NCAPH: variants seen among roughly 807,000 people sequenced by gnomAD.
The protein encoded by NCAPH is non-SMC condensin I complex subunit H.
In NCAPH, 38 loss-of-function variants were observed where a neutral mutation model predicts 85.5. The observed-to-expected ratio is 0.44, with a 90% CI of 0.34 to 0.58. The LOEUF (loss-of-function observed/expected upper bound fraction) is 0.58. NCAPH is among the 20% of genes least tolerant of loss of function. The pLI, the probability that NCAPH is intolerant of heterozygous loss-of-function variation, is 0.01. For synonymous variants in NCAPH, 301 were observed against 335.1 expected (o/e 0.90, Z 1.11); for missense variants, 789 against 916.6 (o/e 0.86, Z 1.80).
intron 6 of NCAPH, 42 bp downstream of exon 6, chr2:96,344,271 A>G: frequency 1.3e-6 from 2 of 1,563,344 alleles, no homozygotes; most frequent in Non-Finnish European, 1.7e-6. Context: ...ACTAATTCAG[A>G]ACCTTAGGGG....
In NCAPH at chr2:96,343,346, G is replaced by A. The variant is rs768316254; in HGVS notation, c.595+42G>A. 7 of 1,576,928 alleles carry A rather than the reference G, an allele frequency of 4.4e-6. No individual in the cohort carries two copies. In the Admixed American group the frequency reaches 1.3e-4, roughly 29 times the overall value. The stretch of plus-strand genomic sequence containing the variant: ...CTGGATTTAAGTGGCTCTTTTTAGG[G>A]CATACCAGGTAGTTACTTGAGTAAT... On this transcript the variant is annotated intron_variant, in intron 5 of 17. Transcript: ENST00000240423.
chr2:96,340,938 A>G (rs1558788342), intron 1 of NCAPH, among the ~76,000 whole-genome samples: 1 of 152,156 alleles, frequency 6.6e-6, no homozygotes, highest in African/African-American at 2.4e-5. Context: ...TTAAAGATCT[A>G]AAGTTCTTTG....
intron 9 of NCAPH, among the ~76,000 whole-genome samples, chr2:96,354,828 T>C (rs960009143): frequency 4.6e-5 from 7 of 152,240 alleles, no homozygotes; most frequent in African/African-American, 1.4e-4. Flanking sequence ...ATTAGAACAA[T>C]GTAAAGCGTT....
At chr2:96,366,302 A>G (rs1229815659) in intron 14 of NCAPH, among the ~76,000 whole-genome samples, 1 of 152,248 alleles carries the variant, frequency 6.6e-6, no homozygotes, top group Non-Finnish European at 1.5e-5. Flanking sequence ...CAAATAAGGC[A>G]TATGAATGAA....
chr2:96,342,822 A>G lies in NCAPH; in HGVS notation c.430A>G (p.Lys144Glu), dbSNP rs2064313631. The G allele has an allele frequency of 3.7e-6, 6 of 1,612,710 alleles. No individual in the cohort carries two copies. In the East Asian group the frequency reaches 1.1e-4, roughly 30 times the overall value. The change falls in exon 4 of 18, where the codon AAA (lysine) becomes GAA (glutamate). Residue 144 changes from lysine to glutamate, a missense_variant. Transcript: ENST00000240423. ...IDFMSEILKQ[K>E]DTEPTNFKVA... is the part of the protein sequence containing the mutation. The stretch of plus-strand genomic sequence containing the variant: ...TTTTATGTCAGAGATTCTTAAACAG[A>G]AAGACACCGAACCAACCAACTTTAA...
chr2:96,373,015 C>A (rs1470973630), intron 17 of NCAPH, among the ~76,000 whole-genome samples: 3 of 152,062 alleles, frequency 2.0e-5, no homozygotes, highest in African/African-American at 4.8e-5. Context: ...ATCTTCAGGG[C>A]AGACGGCTCA....
chr2:96,341,910 G>T lies in NCAPH; in HGVS notation c.272+16G>T, dbSNP rs1180407110. 2 of 1,606,366 alleles carry T rather than the reference G, an allele frequency of 1.2e-6. No homozygotes were observed. Among genetic ancestry groups the T allele is most frequent in the Non-Finnish European group, 1.7e-6 (2 of 1,177,456 alleles). Reference sequence around the variant, plus strand: ...CCTCCAGCAGGTGAGGTGCTCCTGGGCTGTTTCTCCTTGAGGCAGCCGCCT... The same window carrying T: ...CCTCCAGCAGGTGAGGTGCTCCTGGTCTGTTTCTCCTTGAGGCAGCCGCCT... On this transcript the variant is annotated intron_variant, in intron 2 of 17. Transcript: ENST00000240423.
chr2:96,350,715 A>T (rs2104446978), intron 6 of NCAPH, among the ~76,000 whole-genome samples: 1 of 152,274 alleles, frequency 6.6e-6, no homozygotes, highest in Admixed American at 6.5e-5. Flanking sequence ...GCTGAACCTC[A>T]GTTCTGATGA....
Position 96,355,176 on chromosome 2 carries a change from A to G in NCAPH, c.1208+788A>G, listed in dbSNP as rs1015780293. Among the ~76,000 whole-genome samples the G allele has an allele frequency of 2.6e-5, 4 of 152,340 alleles. No individual in the cohort carries two copies. The South Asian group carries it at 8.3e-4, about 32-fold the overall frequency. The stretch of plus-strand genomic sequence containing the variant: ...AATAATCAGAACTTGGTTGGCCTTT[A>G]TGTACTTAATAGGTTAGTATTGTTT... On this transcript the variant is annotated intron_variant, in intron 9 of 17. Transcript: ENST00000240423.
chr2:96,372,581 G>T (rs955971212), intron 17 of NCAPH, among the ~76,000 whole-genome samples: 1 of 152,024 alleles, frequency 6.6e-6, no homozygotes, highest in African/African-American at 2.4e-5. Context: ...ACCATGTCCC[G>T]CTCCATCCTG....
Position 96,347,749 on chromosome 2 carries a change from G to A in NCAPH, c.720+3520G>A, listed in dbSNP as rs138216113. Among the ~76,000 whole-genome samples the A allele has an allele frequency of 4.6e-5, 7 of 152,346 alleles. No homozygotes were observed. In the East Asian group the frequency reaches 1.3e-3, roughly 29 times the overall value. ...TAAATAAGCCAGATAAAGGGCAACA[G>A]TGAGATGAATGCCAGTGTTCTTACA... On this transcript the variant is annotated intron_variant, in intron 6 of 17. Transcript: ENST00000240423.
chr2:96,369,489 G>A lies in NCAPH; in HGVS notation c.2155G>A (p.Ala719Thr). Residue 719 changes from alanine to threonine, a missense_variant, in exon 17 of 18, where the codon GCC (alanine) becomes ACC (threonine). Coordinates refer to ENST00000240423, the MANE Select transcript of NCAPH (RefSeq NM_015341.5). ...GGCTTTTGCCTGTCTCCTACATTTAGCCAATGAAAAGGTAGGTAATTAAGG... is the reference window on the plus strand; with the variant it reads ...GGCTTTTGCCTGTCTCCTACATTTAACCAATGAAAAGGTAGGTAATTAAGG... ...PLAFACLLHL[A>T]NEKNLKLEGT... 1.2e-6 allele frequency: 2 copies of A among 1,613,820 alleles called. No homozygotes were observed. The highest frequency in any genetic ancestry group is 1.7e-6 in the Non-Finnish European group (2 of 1,179,758).
intron 12 of NCAPH, among the ~76,000 whole-genome samples, chr2:96,362,590 A>C (rs62153916): frequency 0.31 from 47,386 of 151,020 alleles, 7,877 homozygotes; most frequent in South Asian, 0.69. Flanking sequence ...AGATTACAGT[A>C]CACTGCACTC....
intron 12 of NCAPH, among the ~76,000 whole-genome samples, chr2:96,361,769 CATAT>C (rs1215314705): frequency 3.5e-5 from 4 of 114,976 alleles, no homozygotes; most frequent in African/African-American, 1.4e-4. Flanking sequence ...TATATATATA[CATAT>C]ATATATATAC....
intron 9 of NCAPH, among the ~76,000 whole-genome samples, chr2:96,355,094 A>G (rs571165556): frequency 1.1e-4 from 17 of 152,174 alleles, no homozygotes; most frequent in South Asian, 2.1e-4. Flanking sequence ...TTTGGAGGAG[A>G]AGAAGAAGAA....
intron 1 of NCAPH, among the ~76,000 whole-genome samples, chr2:96,340,999 A>G (rs974128153): frequency 6.6e-6 from 1 of 152,186 alleles, no homozygotes; most frequent in Non-Finnish European, 1.5e-5. Flanking sequence ...GGGTGATGCT[A>G]TGAATTTCAC....
intron 1 of NCAPH, among the ~76,000 whole-genome samples, chr2:96,336,219 A>G (rs772760653): frequency 1.4e-4 from 22 of 152,128 alleles, no homozygotes; most frequent in Admixed American, 1.4e-3. Context: ...AGGGCTTTGG[A>G]AGCGATGTGG....
At chr2:96,335,907 G>C (rs562733862) in intron 1 of NCAPH, 59 bp downstream of exon 1, 9 of 1,412,380 alleles carry the variant, frequency 6.4e-6, no homozygotes, top group African/African-American at 1.5e-5. Flanking sequence ...AGTACTTCGG[G>C]CGGGCAGGGC....
In NCAPH at chr2:96,351,863, A is replaced by G; in HGVS notation, c.753A>G (p.Ser251=). 6.2e-7 allele frequency: 1 copy of G among 1,608,896 alleles called. No individual in the cohort carries two copies. Among genetic ancestry groups the G allele is most frequent in the South Asian group, 1.1e-5 (1 of 89,672 alleles). ...CCATGTTTCAGAAGACAGCAGCCTC[A>G]TTTGATGAGTGCAGCACAGCAGGGG... is the stretch of plus-strand genomic sequence containing the variant. The part of the protein sequence containing the change: ...IDPMFQKTAA[S]FDECSTAGVF... The change falls in exon 7 of 18, where the codon TCA becomes TCG. Residue 251 remains serine, a synonymous_variant. Transcript: ENST00000240423.
Sources: gnomAD v4.1 joint callset for allele counts (sites outside exome capture counted in the v4.1 genomes callset) on GRCh38, gnomAD v4.1.1 for gene constraint, MANE v1.5 for transcripts, NCBI Gene and HGNC (gene_info 2026-07-23, HGNC 2026-07-21) for gene names.